The following PARD3 variants were observed in gnomAD, a reference collection of about 807,000 sequenced individuals.
PARD3 encodes par-3 family cell polarity regulator.
PARD3 carries 75 observed loss-of-function variants against 155.4 expected under a neutral mutation model. The observed-to-expected ratio is 0.48, with a 90% CI of 0.40 to 0.58. PARD3 has a LOEUF of 0.58. Ranked by LOEUF, PARD3 falls within the 20% of genes least tolerant of loss-of-function variation. PARD3 has a pLI of 0.00. For missense variants in PARD3, 1,642 were observed against 1,721.7 expected, an observed-to-expected ratio of 0.95 and a Z score of 0.82; for synonymous variants, 576 against 610.5, an observed-to-expected ratio of 0.94 and a Z score of 0.83.
chr10:34,653,190 G>A (rs1455988333), intron 2 of PARD3, among the ~76,000 whole-genome samples: 2 of 152,014 alleles, frequency 1.3e-5, no homozygotes, highest in Non-Finnish European at 2.9e-5. Context: ...TCTTTAGGGG[G>A]GAAGCAAATT....
intron 22 of PARD3, among the ~76,000 whole-genome samples, chr10:34,145,229 T>TTTTTTATTTTA (rs1948447135): frequency 8.5e-6 from 1 of 117,236 alleles, no homozygotes; most frequent in African/African-American, 3.4e-5. Flanking sequence ...ATATTTTTTT[T>TTTTTTATTTTA]TTTTTTTTTT....
intron 3 of PARD3, among the ~76,000 whole-genome samples, chr10:34,509,696 C>T (rs773978): frequency 0.99 from 151,482 of 152,302 alleles, 75,337 homozygotes; most frequent in East Asian, 1. Context: ...ATGGCCAAAG[C>T]GCCCAGAGTC....
Position 34,500,183 on chromosome 10 carries a change from C to T in PARD3, c.403+16796G>A, listed in dbSNP as rs113909949. Reference sequence around the variant, plus strand: ...AAGATGTGATTCTGACTTTATAAAACCTTATGTGCTACAGAGGTCTGGAAG... The same window carrying T: ...AAGATGTGATTCTGACTTTATAAAATCTTATGTGCTACAGAGGTCTGGAAG... On this transcript the variant is annotated intron_variant, in intron 3 of 24. Transcript: ENST00000374788. 9.0e-3 allele frequency among the ~76,000 whole-genome samples: 1,364 copies of T among 152,298 alleles called. 21 individuals carry two copies. The highest frequency in any genetic ancestry group is 0.031 in the African/African-American group (1,295 of 41,572).
At chr10:34,483,191 A>G (rs920754505) in intron 3 of PARD3, among the ~76,000 whole-genome samples, 8 of 152,160 alleles carry the variant, frequency 5.3e-5, no homozygotes, top group Non-Finnish European at 2.9e-5. Flanking sequence ...TTTCTCTTGC[A>G]GATGATAAAC....
At chr10:34,451,433 T>C (rs2077050952) in intron 4 of PARD3, among the ~76,000 whole-genome samples, 1 of 152,166 alleles carries the variant, frequency 6.6e-6, no homozygotes, top group African/African-American at 2.4e-5. Flanking sequence ...GTATTACATG[T>C]GTGATTGATA....
At chr10:34,157,422 C>A (rs1949060512) in intron 22 of PARD3, among the ~76,000 whole-genome samples, 1 of 152,194 alleles carries the variant, frequency 6.6e-6, no homozygotes, top group Non-Finnish European at 1.5e-5. Context: ...CAGTGTCAGA[C>A]AAGTAAGCGC....
At chr10:34,137,435 C>T (rs1049990472) in intron 22 of PARD3, among the ~76,000 whole-genome samples, 1 of 152,152 alleles carries the variant, frequency 6.6e-6, no homozygotes, top group African/African-American at 2.4e-5. Flanking sequence ...TGATTGCACC[C>T]CGAGGGAGAC....
At chr10:34,426,211 T>C (rs948616098) in intron 5 of PARD3, among the ~76,000 whole-genome samples, 1 of 152,118 alleles carries the variant, frequency 6.6e-6, no homozygotes, top group African/African-American at 2.4e-5. Context: ...AAAGGATGAG[T>C]TTTCTTACCT....
chr10:34,544,858 G>A (rs984254920), intron 2 of PARD3, among the ~76,000 whole-genome samples: 4 of 152,114 alleles, frequency 2.6e-5, no homozygotes, highest in Non-Finnish European at 5.9e-5. Context: ...TTACACTGGA[G>A]CACCTCTTGC....
At chr10:34,383,262 C>T (rs1196692463) in intron 8 of PARD3, among the ~76,000 whole-genome samples, 1 of 152,092 alleles carries the variant, frequency 6.6e-6, no homozygotes, top group Non-Finnish European at 1.5e-5. Context: ...ATTCTCTCTA[C>T]AACATTGTCT....
At chr10:34,197,914 G>C (rs957246373) in intron 22 of PARD3, among the ~76,000 whole-genome samples, 2 of 152,186 alleles carry the variant, frequency 1.3e-5, no homozygotes, top group Admixed American at 1.3e-4. Context: ...ATTTTTAGTA[G>C]AGACAGGGTT....
At chr10:34,755,246 T>TAAAA (rs376176701) in intron 1 of PARD3, among the ~76,000 whole-genome samples, 1 of 135,698 alleles carries the variant, frequency 7.4e-6, no homozygotes, top group African/African-American at 2.7e-5. Flanking sequence ...TACTAAAAAT[T>TAAAA]AAAAAAAAAA....
At chr10:34,707,621 C>A (rs1053577227) in intron 1 of PARD3, among the ~76,000 whole-genome samples, 5 of 152,174 alleles carry the variant, frequency 3.3e-5, no homozygotes, top group Admixed American at 3.3e-4. Flanking sequence ...CCCAACAACT[C>A]GTGGGTTTAG....
intron 1 of PARD3, among the ~76,000 whole-genome samples, chr10:34,735,024 A>C (rs1482573445): frequency 6.6e-6 from 1 of 151,932 alleles, no homozygotes; most frequent in Non-Finnish European, 1.5e-5. Context: ...AAAATGGATA[A>C]ATTAATAGGA....
intron 23 of PARD3, among the ~76,000 whole-genome samples, chr10:34,122,395 C>T (rs1431797179): frequency 1.3e-5 from 2 of 152,064 alleles, no homozygotes; most frequent in African/African-American, 4.8e-5. Flanking sequence ...TGACACTGTT[C>T]GCCTCAAACT....
intron 22 of PARD3, among the ~76,000 whole-genome samples, chr10:34,229,870 T>C (rs1013056262): frequency 6.6e-6 from 1 of 152,144 alleles, no homozygotes; most frequent in Non-Finnish European, 1.5e-5. Context: ...TTTCATTTTA[T>C]TCATCCAATT....
chr10:34,165,508 G>A lies in PARD3; in HGVS notation c.3420-33925C>T, dbSNP rs75870566. On this transcript the variant is annotated intron_variant, in intron 22 of 24. Coordinates refer to ENST00000374788, the MANE Select transcript of PARD3 (RefSeq NM_001184785.2). ...GTGCCACTGGGAGACAAATGTCCTCGTGCCCCAAGAGGAAAAACCGCTTTG... is the reference window on the plus strand; with the variant it reads ...GTGCCACTGGGAGACAAATGTCCTCATGCCCCAAGAGGAAAAACCGCTTTG... 7.9e-5 allele frequency among the ~76,000 whole-genome samples: 12 copies of A among 152,202 alleles called. No individual in the cohort carries two copies. The East Asian group carries it at 2.1e-3, about 27-fold the overall frequency.
At chr10:34,736,262 C>T (rs1435410703) in intron 1 of PARD3, among the ~76,000 whole-genome samples, 1 of 151,762 alleles carries the variant, frequency 6.6e-6, no homozygotes, top group Admixed American at 6.6e-5. Context: ...AATCTCCTGA[C>T]CTCATGATCC....
At chr10:34,254,355 G>C (rs1417251738) in intron 22 of PARD3, among the ~76,000 whole-genome samples, 1 of 151,512 alleles carries the variant, frequency 6.6e-6, no homozygotes, top group Non-Finnish European at 1.5e-5. Context: ...CTCCAGCCTG[G>C]GCGACAGAGC....
Sources: allele counts gnomAD v4.1 joint callset (sites outside exome capture counted in the v4.1 genomes callset), GRCh38; gene constraint gnomAD v4.1.1; transcripts MANE v1.5; gene names NCBI Gene and HGNC (gene_info 2026-07-23, HGNC 2026-07-21).